Variants in PIERCE2 observed in about 807,000 individuals in gnomAD.
PIERCE2 encodes piercer of microtubule wall 2, also known as piercer of microtubule wall 2 protein.
the PIERCE2 span, among the ~76,000 whole-genome samples, chr15:55,412,802 G>A: frequency 6.6e-6 from 1 of 151,950 alleles, no homozygotes; most frequent in East Asian, 1.9e-4. Context: ...AGTTGATGAA[G>A]AGTAGATTGA....
At chr15:55,412,247 G>GAT in the PIERCE2 span, among the ~76,000 whole-genome samples, 1 of 152,116 alleles carries the variant, frequency 6.6e-6, no homozygotes, top group African/African-American at 2.4e-5. Flanking sequence ...AAGGTGAAAT[G>GAT]ATAAAGTATG....
the PIERCE2 span, chr15:55,417,938 G>A: frequency 1.8e-6 from 1 of 554,454 alleles, no homozygotes; most frequent in Non-Finnish European, 3.2e-6. Context: ...GCTCAGTGGG[G>A]GAGGTTCTGA....
the PIERCE2 span, among the ~76,000 whole-genome samples, chr15:55,417,516 C>A: frequency 1.3e-5 from 2 of 152,106 alleles, no homozygotes; most frequent in Non-Finnish European, 2.9e-5. Context: ...CCCAGGCTAA[C>A]CCTGGATGTT....
the PIERCE2 span, among the ~76,000 whole-genome samples, chr15:55,409,197 G>C: frequency 0.021 from 3,191 of 152,304 alleles, 99 homozygotes; most frequent in African/African-American, 0.07. Context: ...CCTGAGGTCA[G>C]GAGTTCGAGA....
chr15:55,414,300 C>T, the PIERCE2 span, among the ~76,000 whole-genome samples: 1 of 150,554 alleles, frequency 6.6e-6, no homozygotes, highest in South Asian at 2.1e-4. Context: ...ACCTTGGCCT[C>T]CCGGGTTGAA....
At chr15:55,418,488 G>C in the PIERCE2 span, 1 of 1,528,714 alleles carries the variant, frequency 6.5e-7, no homozygotes, top group Non-Finnish European at 8.8e-7. Context: ...AGAGCAACTG[G>C]ATTTTATCAA....
chr15:55,415,378 C>T, the PIERCE2 span, among the ~76,000 whole-genome samples: 1 of 151,442 alleles, frequency 6.6e-6, no homozygotes, highest in African/African-American at 2.4e-5. Context: ...ATCGCTTGAA[C>T]CTGGAAGGCG....
chr15:55,408,711 T>C, the PIERCE2 span: 4 of 1,302,212 alleles, frequency 3.1e-6, no homozygotes, highest in Non-Finnish European at 4.3e-6. Context: ...ACCGGCTTTC[T>C]TGCCATCTGC....
chr15:55,411,340 T>C, the PIERCE2 span, among the ~76,000 whole-genome samples: 1 of 151,888 alleles, frequency 6.6e-6, no homozygotes, highest in South Asian at 2.1e-4. Flanking sequence ...GGCAGGCACC[T>C]GTAGTCCCAG....
the PIERCE2 span, chr15:55,417,844 C>CG: frequency 1.8e-5 from 5 of 278,808 alleles, no homozygotes; most frequent in Admixed American, 2.4e-4. Context: ...GGGGTGGGGC[C>CG]GTTTTATAGG....
chr15:55,413,005 G>A, the PIERCE2 span, among the ~76,000 whole-genome samples: 5 of 151,992 alleles, frequency 3.3e-5, no homozygotes, highest in East Asian at 3.9e-4. Flanking sequence ...GCGGTGGTGC[G>A]CACCTATAAT....
the PIERCE2 span, chr15:55,418,585 G>T: frequency 7.3e-7 from 1 of 1,370,938 alleles, no homozygotes. Context: ...ATATTCCTTT[G>T]TATATTGAAG....
chr15:55,413,777 A>AT, the PIERCE2 span, among the ~76,000 whole-genome samples: 1 of 151,694 alleles, frequency 6.6e-6, no homozygotes, highest in Non-Finnish European at 1.5e-5. Context: ...AAAAAAAAAA[A>AT]AAGACTGTTT....
chr15:55,413,521 G>A, the PIERCE2 span, among the ~76,000 whole-genome samples: 2 of 152,022 alleles, frequency 1.3e-5, no homozygotes, highest in African/African-American at 2.4e-5. Flanking sequence ...CACTTTGGGA[G>A]GCCAAGGCAG....
chr15:55,416,115 GAGAGAT>G, the PIERCE2 span, among the ~76,000 whole-genome samples: 1 of 148,102 alleles, frequency 6.8e-6, no homozygotes, highest in Non-Finnish European at 1.5e-5. Context: ...TAGAGAGAGA[GAGAGAT>G]AGAGTCTTTT....
chr15:55,412,093 CAAAAAAAAA>C, the PIERCE2 span, among the ~76,000 whole-genome samples: 2 of 82,066 alleles, frequency 2.4e-5, no homozygotes, highest in Non-Finnish European at 4.3e-5. Flanking sequence ...TTTGTCTCCA[CAAAAAAAAA>C]AAAAAAAAAA....
the PIERCE2 span, among the ~76,000 whole-genome samples, chr15:55,417,413 T>C: frequency 6.6e-6 from 1 of 152,178 alleles, no homozygotes; most frequent in African/African-American, 2.4e-5. Flanking sequence ...CTGTCTTCAT[T>C]AATATCTTGT....
At chr15:55,416,014 G>C in the PIERCE2 span, among the ~76,000 whole-genome samples, 2 of 152,148 alleles carry the variant, frequency 1.3e-5, no homozygotes, top group Non-Finnish European at 2.9e-5. Flanking sequence ...TCTTAGGATA[G>C]AATTCACAAT....
At chr15:55,411,709 G>T in the PIERCE2 span, among the ~76,000 whole-genome samples, 1 of 152,008 alleles carries the variant, frequency 6.6e-6, no homozygotes, top group Admixed American at 6.6e-5. Flanking sequence ...ATCACCTGAG[G>T]TTGGGAGTTC....
Sources: allele counts gnomAD v4.1 joint callset (sites outside exome capture counted in the v4.1 genomes callset), GRCh38; gene constraint gnomAD v4.1.1; transcripts MANE v1.5; gene names NCBI Gene and HGNC (gene_info 2026-07-23, HGNC 2026-07-21).